HS3ST5: variants seen among roughly 807,000 people sequenced by gnomAD.
HS3ST5 encodes the protein heparan sulfate-glucosamine 3-sulfotransferase 5, also known as heparan sulfate glucosamine 3-O-sulfotransferase 5.
HS3ST5 carries 10 observed loss-of-function variants against 25.4 expected under a neutral mutation model. That is an observed-to-expected ratio of 0.39 (90% CI 0.24 to 0.67). The LOEUF (loss-of-function observed/expected upper bound fraction) is 0.67. Ranked by LOEUF, HS3ST5 falls within the 30% of genes least tolerant of loss-of-function variation. The pLI, the probability that HS3ST5 is intolerant of heterozygous loss-of-function variation, is 0.44. For synonymous variants in HS3ST5, 170 were observed against 162.4 expected (o/e 1.05, Z -0.36); for missense variants, 324 against 420.7 (o/e 0.77, Z 2.01).
intron 2 of HS3ST5, among the ~76,000 whole-genome samples, chr6:114,226,557 T>A: frequency 6.6e-6 from 1 of 151,864 alleles, no homozygotes; most frequent in African/African-American, 2.4e-5. Context: ...TGAGAAACTT[T>A]TATATGAAGA....
intron 2 of HS3ST5, among the ~76,000 whole-genome samples, chr6:114,211,352 T>A (rs1781501893): frequency 6.6e-6 from 1 of 152,210 alleles, no homozygotes; most frequent in South Asian, 2.1e-4. Flanking sequence ...ACAATACAGA[T>A]CTTTCTCAGT....
chr6:114,276,601 G>A (rs1773863259), intron 1 of HS3ST5, among the ~76,000 whole-genome samples: 1 of 96,364 alleles, frequency 1.0e-5, no homozygotes, highest in Non-Finnish European at 2.0e-5. Flanking sequence ...CAAAAGCTAT[G>A]AGAGTGTGGG....
chr6:114,064,893 C>T (rs1373223017), intron 3 of HS3ST5, among the ~76,000 whole-genome samples: 1 of 152,048 alleles, frequency 6.6e-6, no homozygotes, highest in Non-Finnish European at 1.5e-5. Flanking sequence ...GAGGAACCAG[C>T]TCACATGAGG....
chr6:114,120,179 A>C (rs1422471556), intron 3 of HS3ST5, among the ~76,000 whole-genome samples: 2 of 151,530 alleles, frequency 1.3e-5, no homozygotes, highest in Non-Finnish European at 2.9e-5. Context: ...AAAAAACAAC[A>C]AAAAAAACCC....
intron 3 of HS3ST5, among the ~76,000 whole-genome samples, chr6:114,148,707 A>G (rs1447643049): frequency 1.3e-5 from 2 of 152,172 alleles, no homozygotes; most frequent in African/African-American, 4.8e-5. Context: ...TAAAACACCA[A>G]AAGCAATTGA....
chr6:114,236,483 C>T (rs942004599), intron 1 of HS3ST5, among the ~76,000 whole-genome samples: 1 of 152,102 alleles, frequency 6.6e-6, no homozygotes, highest in Non-Finnish European at 1.5e-5. Flanking sequence ...CTTTAAAGTA[C>T]ACTTGTTTAT....
chr6:114,286,518 A>G (rs906024426), intron 1 of HS3ST5, among the ~76,000 whole-genome samples: 9 of 152,046 alleles, frequency 5.9e-5, no homozygotes, highest in Non-Finnish European at 1.5e-5. Context: ...TTAGCCACAT[A>G]TATCATATTA....
intron 2 of HS3ST5, among the ~76,000 whole-genome samples, chr6:114,204,688 T>C (rs1220048967): frequency 6.6e-6 from 1 of 152,304 alleles, no homozygotes; most frequent in East Asian, 1.9e-4. Flanking sequence ...TTTCCAGAAT[T>C]ATTTTTTCTT....
intron 3 of HS3ST5, among the ~76,000 whole-genome samples, chr6:114,084,951 C>T (rs1169941904): frequency 6.6e-6 from 1 of 151,014 alleles, no homozygotes; most frequent in African/African-American, 2.4e-5. Context: ...CCTGCCTCAA[C>T]CTCCTAAGTA....
At chr6:114,264,489 G>T (rs915828774) in intron 1 of HS3ST5, among the ~76,000 whole-genome samples, 6 of 151,912 alleles carry the variant, frequency 3.9e-5, no homozygotes, top group African/African-American at 1.5e-4. Context: ...TCTTCATCTT[G>T]CCCAGTGAAA....
At chr6:114,202,425 T>TAAAATACCCCTCTA in intron 2 of HS3ST5, among the ~76,000 whole-genome samples, 1 of 152,156 alleles carries the variant, frequency 6.6e-6, no homozygotes, top group Non-Finnish European at 1.5e-5. Context: ...CTCTAAAATA[T>TAAAATACCCCTCTA]AAGTACCATG....
intron 1 of HS3ST5, among the ~76,000 whole-genome samples, chr6:114,310,761 G>C (rs1040609141): frequency 9.2e-5 from 14 of 152,240 alleles, no homozygotes; most frequent in African/African-American, 3.1e-4. Context: ...GTAGAGAACT[G>C]TCTGTATATG....
intron 3 of HS3ST5, among the ~76,000 whole-genome samples, chr6:114,161,488 G>A (rs1455027120): frequency 8.9e-6 from 1 of 111,910 alleles, no homozygotes; most frequent in Non-Finnish European, 1.8e-5. Flanking sequence ...CAGCATCTAA[G>A]TAATTCTAAA....
At chr6:114,066,543 G>A (rs1030274482) in intron 3 of HS3ST5, among the ~76,000 whole-genome samples, 1 of 152,174 alleles carries the variant, frequency 6.6e-6, no homozygotes, top group Non-Finnish European at 1.5e-5. Context: ...TGAGGTGGGA[G>A]AATCACTTGA....
chr6:114,153,877 A>T (rs1004961837), intron 3 of HS3ST5, among the ~76,000 whole-genome samples: 6 of 152,208 alleles, frequency 3.9e-5, no homozygotes, highest in Admixed American at 3.9e-4. Flanking sequence ...AGATGCAGAA[A>T]GGTCAAGATT....
intron 1 of HS3ST5, among the ~76,000 whole-genome samples, chr6:114,337,314 A>T (rs562939697): frequency 6.6e-6 from 1 of 152,224 alleles, no homozygotes; most frequent in African/African-American, 2.4e-5. Flanking sequence ...TATTAATGGG[A>T]TGCCAACTGT....
intron 3 of HS3ST5, among the ~76,000 whole-genome samples, chr6:114,126,492 T>A (rs1353363452): frequency 1.3e-5 from 2 of 152,342 alleles, no homozygotes; most frequent in African/African-American, 4.8e-5. Context: ...CTATGTGCAG[T>A]GTAATTTTGA....
intron 2 of HS3ST5, among the ~76,000 whole-genome samples, chr6:114,205,972 A>G (rs150621771): frequency 6.6e-6 from 1 of 152,250 alleles, no homozygotes; most frequent in Non-Finnish European, 1.5e-5. Flanking sequence ...GTAACAGGCT[A>G]TGGACCAGTA....
At chr6:114,105,441 C>G (rs1562198691) in intron 3 of HS3ST5, among the ~76,000 whole-genome samples, 2 of 152,020 alleles carry the variant, frequency 1.3e-5, no homozygotes, top group Non-Finnish European at 2.9e-5. Context: ...ATAATTTTAC[C>G]ATTTTATCTC....
Sources: allele counts gnomAD v4.1 joint callset (sites outside exome capture counted in the v4.1 genomes callset), GRCh38; gene constraint gnomAD v4.1.1; transcripts MANE v1.5; gene names NCBI Gene and HGNC (gene_info 2026-07-23, HGNC 2026-07-21).